The following APOL3 variants were observed in gnomAD, a reference collection of about 807,000 sequenced individuals.
APOL3 encodes apolipoprotein L3.
In APOL3, 14 loss-of-function variants were observed where a neutral mutation model predicts 11.6. The ratio of observed to expected loss-of-function variants is 1.21; its 90% CI spans 0.80 to 1.89. The LOEUF (loss-of-function observed/expected upper bound fraction) is 1.89, where lower values mean the gene tolerates loss of function less well. Ranked by LOEUF, APOL3 falls within the 40% of genes most tolerant of loss-of-function variation. The pLI is 0.00. For missense variants in APOL3, 483 were observed against 492.1 expected (o/e 0.98, Z 0.17); for synonymous variants, 192 against 190.6 (o/e 1.01, Z -0.06).
rs752686550 is a variant in APOL3, at chr22:36,145,607, G to T, written c.224-8C>A. 63 of 1,611,614 alleles carry T rather than the reference G, an allele frequency of 3.9e-5. 2 individuals are homozygous for T. In the South Asian group the frequency reaches 5.7e-4, roughly 15 times the overall value. ...CAGTAAAGCGTTTCTTTTCTACTTG[G>T]AAACAAAAAGCATAAGATTGGAAGA... On this transcript the variant is annotated splice_polypyrimidine_tract_variant and splice_region_variant and intron_variant, in intron 1 of 2. Transcript: ENST00000349314.
At chr22:36,143,230 T>C (rs9917592) in intron 2 of APOL3, among the ~76,000 whole-genome samples, 8,678 of 152,316 alleles carry the variant, frequency 0.057, 659 homozygotes, top group African/African-American at 0.17. Context: ...CCCCATGTGT[T>C]TTGTCCCACA....
At chr22:36,141,009 G>C in exon 3 of APOL3, 1 of 742,734 alleles carries the variant, frequency 1.3e-6, no homozygotes, top group Non-Finnish European at 2.2e-6. Context: ...CAGCATTCCT[G>C]CCTTCTCCTT....
exon 3 of APOL3, chr22:36,141,793 G>A (rs1236205297): frequency 1.2e-6 from 2 of 1,614,192 alleles, no homozygotes; most frequent in Non-Finnish European, 1.7e-6. Context: ...GCCAAAACAA[G>A]ACCAGCAAGG....
At chr22:36,157,674 G>C (rs1289658514) in intron 1 of APOL3, among the ~76,000 whole-genome samples, 4 of 152,174 alleles carry the variant, frequency 2.6e-5, no homozygotes, top group African/African-American at 9.7e-5. Context: ...TAGGAAGCAC[G>C]GTTTGCAATA....
chr22:36,156,067 G>T, intron 1 of APOL3: 2 of 211,894 alleles, frequency 9.4e-6, no homozygotes, highest in Non-Finnish European at 2.0e-5. Flanking sequence ...AGAGAGGGGT[G>T]AAGACACCGT....
intron 1 of APOL3, chr22:36,156,022 GCTGT>G: frequency 3.6e-6 from 1 of 274,752 alleles, no homozygotes; most frequent in Non-Finnish European, 7.4e-6. Context: ...CCTGCAAGTG[GCTGT>G]GGGGCCTCCT....
chr22:36,154,539 G>A, intron 1 of APOL3: 1 of 452,962 alleles, frequency 2.2e-6, no homozygotes. Flanking sequence ...ATTTATTTAT[G>A]TTCCTGTTCG....
rs547248745 is a variant in APOL3 at position 36,148,905 on chromosome 22, G to T, written c.224-3306C>A. On this transcript the variant is annotated intron_variant, in intron 1 of 2. Coordinates refer to ENST00000349314, the Ensembl canonical transcript of APOL3. ...CCCTTGGGTCGGGGGACTCCATGTG[G>T]CCTCTTTTGGGGCTCAGGGAAGACT... 154 of 787,824 alleles carry T rather than the reference G, an allele frequency of 2.0e-4. No individual in the cohort carries two copies. In the African/African-American group the frequency reaches 2.6e-3, roughly 13 times the overall value. The allele number at this position is 787,824 out of a possible 1,614,324, so 48.8% of individuals were successfully genotyped here. A position where few individuals can be genotyped will look rare whatever the true frequency, so the allele number is the denominator to read the frequency against.
At position 36,153,661 on chromosome 22, in the gene APOL3, T is replaced by A. The variant is rs373696781; in HGVS notation, c.223+7008A>T. On this transcript the variant is annotated intron_variant, in intron 1 of 2. Coordinates refer to ENST00000349314, the Ensembl canonical transcript of APOL3. ...GCTTCCAAAGATGTTCAGAGCAGTG[T>A]TCAAAGGGATGCCCACTGGTCAGTC... Among the ~76,000 whole-genome samples, 341 of 152,294 alleles carry A rather than the reference T, an allele frequency of 2.2e-3. 2 individuals carry two copies. The highest frequency in any genetic ancestry group is 7.9e-3 in the African/African-American group (330 of 41,560).
chr22:36,141,824 G>T, exon 3 of APOL3: 1 of 1,614,208 alleles, frequency 6.2e-7, no homozygotes, highest in Non-Finnish European at 8.5e-7. Flanking sequence ...CAGAGGCAGC[G>T]CCAGTGGAGC....
At chr22:36,160,986 AGG>A, upstream of APOL3, 1 of 1,149,758 alleles carries the variant, frequency 8.7e-7, no homozygotes, top group Non-Finnish European at 1.3e-6. Context: ...TCCCATACTT[AGG>A]GTTGGGGGTT....
chr22:36,148,414 C>T (rs1038666287), intron 1 of APOL3, among the ~76,000 whole-genome samples: 1 of 152,220 alleles, frequency 6.6e-6, no homozygotes, highest in Admixed American at 6.5e-5. Context: ...GGCCAGGTAC[C>T]CATGTACTAT....
At chr22:36,160,268 C>A (rs902252783) in intron 1 of APOL3, among the ~76,000 whole-genome samples, 51 of 152,180 alleles carry the variant, frequency 3.4e-4, no homozygotes, top group African/African-American at 1.2e-3. Context: ...GTGGCCAGGC[C>A]ACAAGAAGGA....
intron 1 of APOL3, among the ~76,000 whole-genome samples, chr22:36,156,314 C>T (rs1369188547): frequency 2.6e-5 from 4 of 152,074 alleles, no homozygotes; most frequent in Non-Finnish European, 4.4e-5. Flanking sequence ...CCAGGCTTGT[C>T]CTGAACTCCT....
chr22:36,163,034 AG>A (rs1373182224), upstream of APOL3, among the ~76,000 whole-genome samples: 1 of 152,206 alleles, frequency 6.6e-6, no homozygotes, highest in African/African-American at 2.4e-5. Context: ...CTTTTAGAGA[AG>A]GGCTTAGAGA....
chr22:36,154,945 T>G (rs1603475476), intron 1 of APOL3, among the ~76,000 whole-genome samples: 1 of 152,164 alleles, frequency 6.6e-6, no homozygotes, highest in Admixed American at 6.5e-5. Flanking sequence ...TCATAGGCCC[T>G]CCTGCCAATC....
At chr22:36,145,560 C>T (rs201022631) in exon 2 of APOL3, 15 of 1,614,118 alleles carry the variant, frequency 9.3e-6, no homozygotes, top group Middle Eastern at 1.7e-4. Context: ...GACTCTCTCC[C>T]GGAAGTATTT....
exon 3 of APOL3, chr22:36,140,981 C>T (rs11705238): frequency 0.13 from 78,316 of 614,770 alleles, 6,068 homozygotes; most frequent in Non-Finnish European, 0.15. Flanking sequence ...GTCCCCTCTC[C>T]TCCCTTATTC....
chr22:36,160,960 G>A, upstream of APOL3: 1 of 1,419,386 alleles, frequency 7.0e-7, no homozygotes, highest in Non-Finnish European at 9.5e-7. Flanking sequence ...CGTCCTTCTT[G>A]GCCAACCCAC....
Sources: gnomAD v4.1 joint callset for allele counts (sites outside exome capture counted in the v4.1 genomes callset) on GRCh38, gnomAD v4.1.1 for gene constraint, MANE v1.5 for transcripts, NCBI Gene and HGNC (gene_info 2026-07-23, HGNC 2026-07-21) for gene names.